SLC2A9: variants seen among roughly 807,000 people sequenced by gnomAD.
SLC2A9 encodes solute carrier family 2 member 9.
A neutral mutation model predicts 50.6 loss-of-function variants in SLC2A9; 39 were observed. The ratio of observed to expected loss-of-function variants is 0.77; its 90% CI spans 0.60 to 1.01. SLC2A9 has a LOEUF of 1.01. SLC2A9 is among the 50% of genes least tolerant of loss of function. The probability of loss-of-function intolerance (pLI) is 0.00; values close to 1 mark genes in which losing one functional copy is unlikely to be tolerated. For missense variants in SLC2A9, 686 were observed against 677.6 expected (o/e 1.01, Z -0.14); for synonymous variants, 324 against 276.9 (o/e 1.17, Z -1.69).
At chr4:9,837,619 G>T (rs1382505209) in intron 10 of SLC2A9, among the ~76,000 whole-genome samples, 1 of 152,220 alleles carries the variant, frequency 6.6e-6, no homozygotes, top group Non-Finnish European at 1.5e-5. Flanking sequence ...AGGGCTTGAG[G>T]CCATGACTTG....
At chr4:9,982,636 A>G (rs1244821087) in intron 4 of SLC2A9, among the ~76,000 whole-genome samples, 2 of 152,224 alleles carry the variant, frequency 1.3e-5, no homozygotes, top group Non-Finnish European at 2.9e-5. Flanking sequence ...AGAGAATCTC[A>G]GTTGCCTCCA....
At chr4:9,907,736 G>C (rs1275595751) in intron 8 of SLC2A9, among the ~76,000 whole-genome samples, 1 of 152,214 alleles carries the variant, frequency 6.6e-6, no homozygotes, top group Non-Finnish European at 1.5e-5. Flanking sequence ...TCAAAGGATG[G>C]AGTTATTTAT....
At chr4:9,912,643 T>A (rs1175165031) in intron 7 of SLC2A9, among the ~76,000 whole-genome samples, 1 of 152,182 alleles carries the variant, frequency 6.6e-6, no homozygotes, top group Non-Finnish European at 1.5e-5. Flanking sequence ...AGAGTAAACA[T>A]CCCATTTACT....
At chr4:9,925,915 A>G (rs1307343884) in intron 6 of SLC2A9, among the ~76,000 whole-genome samples, 2 of 152,082 alleles carry the variant, frequency 1.3e-5, no homozygotes, top group African/African-American at 4.8e-5. Flanking sequence ...TGATTTTCCA[A>G]TGGCAGGCTC....
intron 1 of SLC2A9, among the ~76,000 whole-genome samples, chr4:10,027,091 T>C (rs1450611668): frequency 6.6e-6 from 1 of 152,062 alleles, no homozygotes; most frequent in Admixed American, 6.6e-5. Flanking sequence ...CGACATCTTT[T>C]ATGATTTCAT....
chr4:9,933,552 C>T (rs916494450), intron 6 of SLC2A9, among the ~76,000 whole-genome samples: 12 of 152,202 alleles, frequency 7.9e-5, no homozygotes, highest in African/African-American at 2.7e-4. Flanking sequence ...GACATTTCCT[C>T]GCTGAGTCTT....
downstream of SLC2A9, among the ~76,000 whole-genome samples, chr4:9,776,177 GTCTT>G (rs775474884): frequency 5.5e-5 from 8 of 145,072 alleles, no homozygotes; most frequent in South Asian, 2.2e-4. Flanking sequence ...GAGGAAAGAA[GTCTT>G]TCTTTCTTTT....
chr4:9,790,378 A>G (rs1214998287), intron 3 of SLC2A9, among the ~76,000 whole-genome samples: 1 of 152,170 alleles, frequency 6.6e-6, no homozygotes, highest in Admixed American at 6.6e-5. Context: ...TCTGCTCAGC[A>G]TGGAGGGGGC....
At chr4:9,772,765 C>T (rs1160831772) in intron 1 of SLC2A9, among the ~76,000 whole-genome samples, 1 of 152,136 alleles carries the variant, frequency 6.6e-6, no homozygotes, top group African/African-American at 2.4e-5. Context: ...TACAGCATCT[C>T]ATTTACCCAT....
chr4:9,921,419 C>T (rs577484906), intron 6 of SLC2A9, among the ~76,000 whole-genome samples: 2 of 152,278 alleles, frequency 1.3e-5, no homozygotes, highest in African/African-American at 4.8e-5. Flanking sequence ...CACTTTTGGA[C>T]ACAGATTTCA....
chr4:10,035,767 TTC>T (rs1764084651), intron 1 of SLC2A9: 2 of 151,260 alleles, frequency 1.3e-5, no homozygotes. Flanking sequence ...AAAAAGGCAT[TTC>T]TTTTGTTTGT....
At chr4:9,852,178 A>C (rs545574727) in intron 10 of SLC2A9, among the ~76,000 whole-genome samples, 1 of 152,366 alleles carries the variant, frequency 6.6e-6, no homozygotes, top group South Asian at 2.1e-4. Flanking sequence ...GAACCCCGTC[A>C]GGCTAACAGT....
intron 3 of SLC2A9, among the ~76,000 whole-genome samples, chr4:9,818,970 A>C (rs1364264753): frequency 6.6e-6 from 1 of 151,992 alleles, no homozygotes; most frequent in Non-Finnish European, 1.5e-5. Flanking sequence ...AAAATACAAA[A>C]AATGAGCCAG....
chr4:9,804,761 G>T (rs913889684), intron 3 of SLC2A9, among the ~76,000 whole-genome samples: 2 of 152,200 alleles, frequency 1.3e-5, no homozygotes, highest in African/African-American at 4.8e-5. Context: ...GAATTGCTTG[G>T]GCTTTGAGGT....
chr4:9,889,515 T>C (rs767856115), intron 9 of SLC2A9, among the ~76,000 whole-genome samples: 19 of 152,202 alleles, frequency 1.2e-4, no homozygotes, highest in Non-Finnish European at 2.4e-4. Flanking sequence ...TGGGCCTGGC[T>C]GTCAGGAAGG....
intron 5 of SLC2A9, among the ~76,000 whole-genome samples, chr4:9,965,025 G>A (rs1752846540): frequency 6.6e-6 from 1 of 152,230 alleles, no homozygotes; most frequent in Admixed American, 6.5e-5. Context: ...TGACATAAAT[G>A]ACGCGATGAC....
chr4:9,913,700 A>T (rs1446468361), intron 7 of SLC2A9, among the ~76,000 whole-genome samples: 2 of 152,052 alleles, frequency 1.3e-5, no homozygotes, highest in Non-Finnish European at 2.9e-5. Context: ...GAAGCTGGAG[A>T]TGTGTCTGCT....
chr4:9,778,522 C>T (rs1057191658), downstream of SLC2A9, among the ~76,000 whole-genome samples: 10 of 152,138 alleles, frequency 6.6e-5, no homozygotes, highest in African/African-American at 2.2e-4. Context: ...GTTCCCTCAC[C>T]TCTTTCACAC....
At chr4:9,872,873 T>C (rs1733678604) in intron 10 of SLC2A9, among the ~76,000 whole-genome samples, 1 of 152,190 alleles carries the variant, frequency 6.6e-6, no homozygotes, top group Admixed American at 6.5e-5. Flanking sequence ...ATCCAGCAAA[T>C]TGTGTTTCTC....
Sources: allele counts gnomAD v4.1 joint callset (sites outside exome capture counted in the v4.1 genomes callset), GRCh38; gene constraint gnomAD v4.1.1; transcripts MANE v1.5; gene names NCBI Gene and HGNC (gene_info 2026-07-23, HGNC 2026-07-21).